Variants in KDM4C observed in about 807,000 individuals in gnomAD.
KDM4C encodes lysine demethylase 4C.
A neutral mutation model predicts 129.3 loss-of-function variants in KDM4C; 81 were observed. The ratio of observed to expected loss-of-function variants is 0.63; its 90% CI spans 0.52 to 0.75. The LOEUF (loss-of-function observed/expected upper bound fraction) is 0.75. Ranked by LOEUF, KDM4C falls within the 30% of genes least tolerant of loss-of-function variation. The pLI is 0.00. For missense variants in KDM4C, 1,457 were observed against 1,304.0 expected (o/e 1.12, Z -1.81); for synonymous variants, 573 against 456.1 (o/e 1.26, Z -3.26).
At chr9:6,913,277 TGTTTCCTA>T (rs1228658010) in intron 8 of KDM4C, among the ~76,000 whole-genome samples, 81 of 152,306 alleles carry the variant, frequency 5.3e-4, no homozygotes, top group East Asian at 7.7e-4. Context: ...TTCATTAAAA[TGTTTCCTA>T]GTATTAAAAT....
intron 18 of KDM4C, among the ~76,000 whole-genome samples, chr9:7,122,912 T>A (rs1462819997): frequency 6.6e-6 from 1 of 152,248 alleles, no homozygotes; most frequent in African/African-American, 2.4e-5. Context: ...ATGATGCCTG[T>A]CTTCTCTGAT....
chr9:6,727,240 C>G (rs1174137923), intron 1 of KDM4C: 2 of 151,568 alleles, frequency 1.3e-5, no homozygotes, highest in African/African-American at 4.8e-5. Context: ...CACCTGAGGT[C>G]AGGAGTTCGA....
chr9:6,826,647 C>A lies in KDM4C; in HGVS notation c.435+11902C>A, dbSNP rs577954372. Reference sequence around the variant, plus strand: ...TTGGGAGGCCAAGGTGGGTGGATCACCTGAGGTCAGCAGTTCAAGACCAGC... The same window carrying A: ...TTGGGAGGCCAAGGTGGGTGGATCAACTGAGGTCAGCAGTTCAAGACCAGC... On this transcript the variant is annotated intron_variant, in intron 4 of 21. Transcript: ENST00000381309. Among the ~76,000 whole-genome samples the A allele has an allele frequency of 5.9e-5, 9 of 152,110 alleles. No homozygotes were observed. The South Asian group carries it at 1.9e-3, about 32-fold the overall frequency.
chr9:7,054,260 GA>G (rs1830580699), intron 17 of KDM4C, among the ~76,000 whole-genome samples: 1 of 152,184 alleles, frequency 6.6e-6, no homozygotes, highest in African/African-American at 2.4e-5. Context: ...AGGACTGAAA[GA>G]AAAAGAATTG....
At chr9:6,904,520 C>CA (rs1303018191) in intron 8 of KDM4C, among the ~76,000 whole-genome samples, 3 of 151,706 alleles carry the variant, frequency 2.0e-5, no homozygotes, top group Non-Finnish European at 2.9e-5. Context: ...GCTCATGGCT[C>CA]TGTTTGCATT....
At chr9:7,108,372 G>C (rs1837937576) in intron 18 of KDM4C, among the ~76,000 whole-genome samples, 1 of 152,110 alleles carries the variant, frequency 6.6e-6, no homozygotes, top group African/African-American at 2.4e-5. Flanking sequence ...AAGTAGCTGG[G>C]ACTACAGGTG....
intron 18 of KDM4C, among the ~76,000 whole-genome samples, chr9:7,112,153 A>G (rs780736692): frequency 6.6e-6 from 1 of 152,172 alleles, no homozygotes; most frequent in Non-Finnish European, 1.5e-5. Context: ...TTAAAAAGAA[A>G]GAAGAGTTTC....
At chr9:7,042,176 A>G (rs1464900648) in intron 15 of KDM4C, among the ~76,000 whole-genome samples, 1 of 152,056 alleles carries the variant, frequency 6.6e-6, no homozygotes, top group East Asian at 1.9e-4. Context: ...TTTTTCCTCT[A>G]CAGATAAAGT....
intron 17 of KDM4C, among the ~76,000 whole-genome samples, chr9:7,050,433 C>A (rs1326841997): frequency 2.0e-4 from 3 of 15,206 alleles, no homozygotes; most frequent in Non-Finnish European, 3.7e-4. Context: ...AATCTTATAC[C>A]CAGATTACCA....
intron 4 of KDM4C, among the ~76,000 whole-genome samples, chr9:6,819,498 T>A (rs555101517): frequency 6.6e-6 from 1 of 152,338 alleles, no homozygotes; most frequent in African/African-American, 2.4e-5. Flanking sequence ...CAGTATTTTA[T>A]AGAATTTCTG....
In KDM4C at chr9:6,914,631, C is replaced by G. The variant is rs549225929; in HGVS notation, c.921+21399C>G. On this transcript the variant is annotated intron_variant, in intron 8 of 21. Coordinates refer to ENST00000381309, the MANE Select transcript of KDM4C (RefSeq NM_015061.6). ...CACAATTAGTGATGAAACTTAAACC[C>G]CAATACACTAGTATTAAGCAGTGGG... Among the ~76,000 whole-genome samples the G allele has an allele frequency of 2.6e-5, 4 of 152,308 alleles. No individual in the cohort carries two copies. In the East Asian group the frequency reaches 7.7e-4, roughly 29 times the overall value.
rs192416105 is a variant in KDM4C, at chr9:7,030,250, G to T, written c.2259+14321G>T. Among the ~76,000 whole-genome samples, 28 of 152,232 alleles carry T rather than the reference G, an allele frequency of 1.8e-4. 1 individual carries two copies. Among genetic ancestry groups the T allele is most frequent in the Admixed American group, 5.9e-4 (9 of 15,278 alleles). On this transcript the variant is annotated intron_variant, in intron 15 of 21. Transcript: ENST00000381309. ...CATTGCATTTTTTAACCTAGAGGTG[G>T]TGGGTAAGAGAAATATAGAAGAATA...
rs543934039 is a variant in KDM4C, at chr9:7,072,143, C to G, written c.2424+22943C>G. Among the ~76,000 whole-genome samples, 7 of 152,274 alleles carry G rather than the reference C, an allele frequency of 4.6e-5. No individual in the cohort carries two copies. The South Asian group carries it at 1.2e-3, about 27-fold the overall frequency. On this transcript the variant is annotated intron_variant, in intron 17 of 21. Transcript: ENST00000381309. ...AATGGAATAGTCAGTGTTAAGATAA[C>G]TGACAGTGTCAAGTAGTGATGCTGA... is the stretch of plus-strand genomic sequence containing the variant.
At position 6,834,441 on chromosome 9, in the gene KDM4C, C is replaced by T. The variant is rs1326687027; in HGVS notation, c.436-15066C>T. The T allele has an allele frequency of 7.3e-5, 34 of 464,564 alleles. 1 individual carries two copies. The highest frequency in any genetic ancestry group is 4.8e-4 in the Admixed American group (18 of 37,384). 28.8% of individuals were successfully genotyped at this position (464,564 alleles called of 1,614,324 possible). On this transcript the variant is annotated intron_variant, in intron 4 of 21. Transcript: ENST00000381309. ...CACTGCTCTGCTGCCTGTCCACACC[C>T]GCTACCAGCTCACCATAGATGATGA...
intron 19 of KDM4C, among the ~76,000 whole-genome samples, chr9:7,133,577 A>C (rs1840872398): frequency 1.3e-5 from 2 of 152,168 alleles, no homozygotes; most frequent in Admixed American, 6.5e-5. Context: ...ACACGGTGAC[A>C]GAGGTAGGTC....
At chr9:6,935,947 A>G (rs2131349393) in intron 8 of KDM4C, among the ~76,000 whole-genome samples, 1 of 151,984 alleles carries the variant, frequency 6.6e-6, no homozygotes, top group Non-Finnish European at 1.5e-5. Context: ...TAAGAGTTTT[A>G]AAATGTCATC....
In KDM4C at chr9:7,077,082, C is replaced by G. The variant is rs556525313; in HGVS notation, c.2425-26603C>G. The G allele has an allele frequency of 4.2e-5, 41 of 985,504 alleles. No individual in the cohort carries two copies. The African/African-American group carries it at 7.0e-4, about 17-fold the overall frequency. 61.0% of individuals were successfully genotyped at this position (985,504 alleles called of 1,614,324 possible). On this transcript the variant is annotated intron_variant, in intron 17 of 21. Transcript: ENST00000381309. ...GTTTAGGTGAAAACTATCACTCATT[C>G]ATCAAAGTTCTATCTGGGTGATATA... is the stretch of plus-strand genomic sequence containing the variant.
chr9:6,976,344 A>G (rs1391699999), intron 8 of KDM4C, among the ~76,000 whole-genome samples: 1 of 152,206 alleles, frequency 6.6e-6, no homozygotes, highest in Non-Finnish European at 1.5e-5. Context: ...ATAACTGTTA[A>G]TAATAGATTC....
chr9:7,150,431 TACAGTCACAC>T (rs1053270335), intron 19 of KDM4C, among the ~76,000 whole-genome samples: 11 of 152,318 alleles, frequency 7.2e-5, no homozygotes, highest in African/African-American at 2.6e-4. Context: ...CCTAACTACC[TACAGTCACAC>T]ACAGTGCCTT....
Sources: gnomAD v4.1 joint callset for allele counts (sites outside exome capture counted in the v4.1 genomes callset) on GRCh38, gnomAD v4.1.1 for gene constraint, MANE v1.5 for transcripts, NCBI Gene and HGNC (gene_info 2026-07-23, HGNC 2026-07-21) for gene names.